Variants in RAP2A observed in about 807,000 individuals in gnomAD.
The protein encoded by RAP2A is RAP2A, member of RAS oncogene family.
In RAP2A, 5 loss-of-function variants were observed where a neutral mutation model predicts 15.1. That is an observed-to-expected ratio of 0.33 (90% CI 0.17 to 0.70). The LOEUF (loss-of-function observed/expected upper bound fraction) is 0.70, where lower values mean the gene tolerates loss of function less well. RAP2A is among the 30% of genes least tolerant of loss of function. The pLI is 0.68. For missense variants in RAP2A, 111 were observed against 240.3 expected, an observed-to-expected ratio of 0.46 and a Z score of 3.56; for synonymous variants, 110 against 99.7, an observed-to-expected ratio of 1.10 and a Z score of -0.62.
chr13:97,463,572 A>G (rs2066757425), intron 1 of RAP2A, among the ~76,000 whole-genome samples: 1 of 152,168 alleles, frequency 6.6e-6, no homozygotes, highest in South Asian at 2.1e-4. Flanking sequence ...TTCCATTTGG[A>G]TGATTTCTAC....
chr13:97,464,046 C>T (rs759771852), intron 1 of RAP2A, among the ~76,000 whole-genome samples, 159 bp from the exon 2 acceptor site: 3 of 152,024 alleles, frequency 2.0e-5, no homozygotes, highest in Non-Finnish European at 4.4e-5. Context: ...CTTCAAATGC[C>T]CTCAGATCTA....
intron 1 of RAP2A, among the ~76,000 whole-genome samples, chr13:97,435,401 A>T (rs1206700780): frequency 4.0e-5 from 6 of 151,566 alleles, no homozygotes; most frequent in South Asian, 2.1e-4. Context: ...TTCACAGGAA[A>T]AGAATGCAGC....
rs2066778139 is a variant in RAP2A at position 97,467,670 on chromosome 13, T to C, written c.*3228T>C. ...TTAGCCAATCAAACATTAAGGACTA[T>C]GGAGGTCTTTTTTTTTTTATTTAAC... is the stretch of plus-strand genomic sequence containing the variant. On this transcript the variant is annotated 3_prime_UTR_variant, in exon 2 of 2. Transcript: ENST00000245304. The C allele has an allele frequency of 1.0e-5, 1 of 96,912 alleles. No individual in the cohort carries two copies. The highest frequency in any genetic ancestry group is 4.5e-5 in the African/African-American group (1 of 21,990). 6.0% of individuals were successfully genotyped at this position (96,912 alleles called of 1,614,324 possible). A position where few individuals can be genotyped will look rare whatever the true frequency, so the allele number is the denominator to read the frequency against.
chr13:97,435,465 C>CAAA (rs35791914), intron 1 of RAP2A, among the ~76,000 whole-genome samples: 206 of 63,182 alleles, frequency 3.3e-3, no homozygotes, highest in Middle Eastern at 0.019. Context: ...TAACCCCTTC[C>CAAA]AAAAAAAAAA....
intron 1 of RAP2A, among the ~76,000 whole-genome samples, chr13:97,463,470 G>C (rs2066757034): frequency 1.3e-5 from 2 of 152,316 alleles, no homozygotes; most frequent in Non-Finnish European, 1.5e-5. Flanking sequence ...CTGAATTCTT[G>C]TCAGTCTTAA....
chr13:97,449,856 C>T (rs1313404315), intron 1 of RAP2A, among the ~76,000 whole-genome samples: 6 of 151,934 alleles, frequency 3.9e-5, no homozygotes, highest in Admixed American at 3.9e-4. Flanking sequence ...TGAAGGTACT[C>T]CTCTTCCTCT....
chr13:97,441,021 G>A (rs558663599), intron 1 of RAP2A, among the ~76,000 whole-genome samples: 3 of 152,206 alleles, frequency 2.0e-5, no homozygotes, highest in Admixed American at 2.0e-4. Flanking sequence ...TTTTGTTTTG[G>A]CTGCATTGTA....
intron 1 of RAP2A, among the ~76,000 whole-genome samples, chr13:97,443,805 G>GA (rs2153179339): frequency 6.6e-6 from 1 of 152,214 alleles, no homozygotes; most frequent in Non-Finnish European, 1.5e-5. Flanking sequence ...TGAAGACAGC[G>GA]AATGTTAATC....
At chr13:97,436,790 C>T (rs541572358) in intron 1 of RAP2A, among the ~76,000 whole-genome samples, 167 of 152,266 alleles carry the variant, frequency 1.1e-3, no homozygotes, top group African/African-American at 3.8e-3. Flanking sequence ...ATAAAAAGAT[C>T]ATTGATCAGC....
rs114990434 is a variant in RAP2A, at chr13:97,449,375, G to A, written c.314+14591G>A. ...AGTGTCTTAGGTATGAGTTACTTTGGAAATGAAAGCGTTTTTGTAGTGGGA... is the reference window on the plus strand; with the variant it reads ...AGTGTCTTAGGTATGAGTTACTTTGAAAATGAAAGCGTTTTTGTAGTGGGA... On this transcript the variant is annotated intron_variant, in intron 1 of 1. Transcript: ENST00000245304. 9.3e-3 allele frequency among the ~76,000 whole-genome samples: 1,410 copies of A among 152,286 alleles called. 18 individuals carry two copies. Among genetic ancestry groups the A allele is most frequent in the African/African-American group, 0.03 (1,246 of 41,570 alleles).
intron 1 of RAP2A, among the ~76,000 whole-genome samples, chr13:97,460,101 C>A (rs2066740138): frequency 6.6e-6 from 1 of 152,188 alleles, no homozygotes; most frequent in Admixed American, 6.5e-5. Context: ...GTCATGAGTG[C>A]ATTTTGGAGT....
intron 1 of RAP2A, among the ~76,000 whole-genome samples, chr13:97,441,561 G>A (rs754365827): frequency 6.6e-6 from 1 of 152,034 alleles, no homozygotes; most frequent in Non-Finnish European, 1.5e-5. Flanking sequence ...ATAAAACCAA[G>A]TACACTGTAC....
intron 1 of RAP2A, among the ~76,000 whole-genome samples, chr13:97,462,162 G>T: frequency 6.8e-6 from 1 of 146,542 alleles, no homozygotes; most frequent in East Asian, 2.0e-4. Context: ...ATTATTCATA[G>T]ACAGACTGAA....
intron 1 of RAP2A, among the ~76,000 whole-genome samples, chr13:97,463,698 TC>T (rs1294841108): frequency 6.6e-6 from 1 of 152,352 alleles, no homozygotes; most frequent in East Asian, 1.9e-4. Flanking sequence ...CAAGCGATTC[TC>T]CTGTCTCAGC....
intron 1 of RAP2A, among the ~76,000 whole-genome samples, chr13:97,443,374 C>T (rs962192319): frequency 2.6e-5 from 4 of 152,194 alleles, no homozygotes; most frequent in Non-Finnish European, 5.9e-5. Context: ...TTACAGCTCT[C>T]TCTCTGTAAA....
intron 1 of RAP2A, chr13:97,441,952 C>T: frequency 4.3e-6 from 1 of 232,472 alleles, no homozygotes; most frequent in Non-Finnish European, 8.7e-6. Flanking sequence ...AGAAATATGC[C>T]ATATATTATA....
intron 1 of RAP2A, among the ~76,000 whole-genome samples, chr13:97,455,100 T>C (rs1166427429): frequency 1.3e-5 from 2 of 151,476 alleles, no homozygotes; most frequent in South Asian, 2.1e-4. Flanking sequence ...GTTCTGCTCA[T>C]TTATTTTTTC....
At chr13:97,441,684 TG>T (rs557910643) in intron 1 of RAP2A, 201 of 410,952 alleles carry the variant, frequency 4.9e-4, no homozygotes, top group Non-Finnish European at 7.2e-4. Flanking sequence ...GGGTTTTCTT[TG>T]CTTCTGTTTT....
Position 97,443,511 on chromosome 13 carries a change from C to G in RAP2A, c.314+8727C>G, listed in dbSNP as rs371637415. 2.0e-5 allele frequency among the ~76,000 whole-genome samples: 3 copies of G among 152,264 alleles called. No homozygotes were observed. The East Asian group carries it at 5.8e-4, about 29-fold the overall frequency. ...CAAGCAACCCTTCTGCCTCAGCCAT[C>G]TGAATAGCTAGGACTACAGAGCAGG... On this transcript the variant is annotated intron_variant, in intron 1 of 1. Transcript: ENST00000245304.
Sources: gnomAD v4.1 joint callset for allele counts (sites outside exome capture counted in the v4.1 genomes callset) on GRCh38, gnomAD v4.1.1 for gene constraint, MANE v1.5 for transcripts, NCBI Gene and HGNC (gene_info 2026-07-23, HGNC 2026-07-21) for gene names.